Variants in ACVR2A observed in about 807,000 individuals in gnomAD.
ACVR2A encodes the protein activin A receptor type 2A.
ACVR2A carries 7 observed loss-of-function variants against 61.4 expected under a neutral mutation model. That is an observed-to-expected ratio of 0.11 (90% confidence interval 0.06 to 0.21). The LOEUF (loss-of-function observed/expected upper bound fraction) is 0.21. ACVR2A is among the 10% of genes least tolerant of loss of function. The pLI, the probability that ACVR2A is intolerant of heterozygous loss-of-function variation, is 1.00. For missense variants in ACVR2A, 322 were observed against 621.7 expected (o/e 0.52, Z 5.13); for synonymous variants, 193 against 208.3 (o/e 0.93, Z 0.63).
Position 147,899,555 on chromosome 2 carries a change from G to A in ACVR2A, c.361G>A (p.Glu121Lys), listed in dbSNP as rs1686822801. Residue 121 changes from glutamate (E) to lysine (K), a missense_variant, in exon 3 of 11, where the codon GAA becomes AAA. Physicochemically the swap from Glu to Lys is moderately conservative, Grantham distance 56. This residue lies in a region of ACVR2A where 142 missense variants were observed against 200.3 expected (regional missense o/e 0.71). Coordinates refer to ENST00000241416, the MANE Select transcript of ACVR2A (RefSeq NM_001616.5). Reference protein sequence around the residue: ...NEKFSYFPEMEVTQPTSNPVT... With the variant: ...NEKFSYFPEMKVTQPTSNPVT... ...AAAGTTTTCTTATTTTCCGGAGATGGAAGTCACACAGCGTAAGTTCACAGG... is the reference window on the plus strand; with the variant it reads ...AAAGTTTTCTTATTTTCCGGAGATGAAAGTCACACAGCGTAAGTTCACAGG... 1.2e-6 allele frequency: 2 copies of A among 1,612,534 alleles called. No individual in the cohort carries two copies. The highest frequency in any genetic ancestry group is 1.7e-6 in the Non-Finnish European group (2 of 1,179,074).
chr2:147,849,282 AT>A (rs1342164485), intron 1 of ACVR2A, among the ~76,000 whole-genome samples: 1 of 151,974 alleles, frequency 6.6e-6, no homozygotes, highest in Non-Finnish European at 1.5e-5. Context: ...ATTTGCCTTT[AT>A]TTTTACTGAC....
intron 4 of ACVR2A, among the ~76,000 whole-genome samples, chr2:147,914,703 C>CG (rs1558812613): frequency 6.6e-6 from 1 of 151,828 alleles, no homozygotes; most frequent in Non-Finnish European, 1.5e-5. Context: ...GAATGACTGC[C>CG]GGTATCTCTG....
intron 4 of ACVR2A, among the ~76,000 whole-genome samples, chr2:147,904,823 G>A (rs765735562): frequency 6.6e-6 from 1 of 152,006 alleles, no homozygotes; most frequent in African/African-American, 2.4e-5. Context: ...TAATTTAGAA[G>A]AGTATACTGC....
At chr2:147,888,841 G>A (rs932111960) in intron 1 of ACVR2A, among the ~76,000 whole-genome samples, 17 of 151,882 alleles carry the variant, frequency 1.1e-4, no homozygotes, top group Non-Finnish European at 1.9e-4. Context: ...CTGTGTTTCA[G>A]TACTGTGTTA....
At chr2:147,894,299 T>G (rs1281602941) in intron 1 of ACVR2A, among the ~76,000 whole-genome samples, 1 of 152,190 alleles carries the variant, frequency 6.6e-6, no homozygotes, top group Non-Finnish European at 1.5e-5. Flanking sequence ...AATCAGTTAG[T>G]ATGAATTCTC....
chr2:147,867,221 G>T (rs1049332223), intron 1 of ACVR2A, among the ~76,000 whole-genome samples: 1 of 152,130 alleles, frequency 6.6e-6, no homozygotes, highest in African/African-American at 2.4e-5. Context: ...AAATGTAGAT[G>T]AGGAAGTGGT....
intron 4 of ACVR2A, among the ~76,000 whole-genome samples, chr2:147,904,819 A>G (rs980223580): frequency 6.6e-6 from 1 of 152,106 alleles, no homozygotes; most frequent in African/African-American, 2.4e-5. Context: ...AAGTTAATTT[A>G]GAAGAGTATA....
intron 1 of ACVR2A, among the ~76,000 whole-genome samples, chr2:147,862,031 A>G (rs540388964): frequency 5.9e-5 from 9 of 152,302 alleles, no homozygotes; most frequent in Admixed American, 5.9e-4. Context: ...GTCACTAATC[A>G]GTGGAGCTAG....
chr2:147,893,231 C>T (rs990037850), intron 1 of ACVR2A, among the ~76,000 whole-genome samples: 3 of 152,084 alleles, frequency 2.0e-5, no homozygotes, highest in African/African-American at 7.2e-5. Flanking sequence ...TTGTAGGTAT[C>T]ACTAGTTCAT....
At chr2:147,871,978 G>A (rs1324924137) in intron 1 of ACVR2A, among the ~76,000 whole-genome samples, 1 of 152,042 alleles carries the variant, frequency 6.6e-6, no homozygotes, top group Non-Finnish European at 1.5e-5. Flanking sequence ...CCGTATTACA[G>A]ATTTTTATTT....
At position 147,882,437 on chromosome 2, in the gene ACVR2A, G is replaced by A. The variant is rs142239769; in HGVS notation, c.56-13864G>A. On this transcript the variant is annotated intron_variant, in intron 1 of 10. Transcript: ENST00000241416. The stretch of plus-strand genomic sequence containing the variant: ...GTGGTGGCGTGCGCCTGTAATTCCA[G>A]CCACTTGGGAGTTTGAGGCAGGAGA... Among the ~76,000 whole-genome samples, 1,060 of 152,324 alleles carry A rather than the reference G, an allele frequency of 7.0e-3. 10 individuals are homozygous for A. The highest frequency in any genetic ancestry group is 0.024 in the African/African-American group (996 of 41,558).
chr2:147,892,297 G>T (rs1367476204), intron 1 of ACVR2A, among the ~76,000 whole-genome samples: 19 of 151,456 alleles, frequency 1.3e-4, no homozygotes, highest in Admixed American at 1.3e-3. Context: ...TTGAGATGGA[G>T]TTACCAGAAC....
chr2:147,899,083 A>T (rs371463037), intron 2 of ACVR2A, among the ~76,000 whole-genome samples: 1 of 152,144 alleles, frequency 6.6e-6, no homozygotes. Context: ...TGGAAATGCC[A>T]TATTTCCTGT....
intron 1 of ACVR2A, among the ~76,000 whole-genome samples, chr2:147,890,392 T>C (rs1324212778): frequency 6.6e-6 from 1 of 151,138 alleles, no homozygotes; most frequent in Non-Finnish European, 1.5e-5. Flanking sequence ...ATGTACTCTT[T>C]ATATATAGTA....
At chr2:147,859,466 T>A (rs1685670451) in intron 1 of ACVR2A, among the ~76,000 whole-genome samples, 1 of 146,408 alleles carries the variant, frequency 6.8e-6, no homozygotes, top group Admixed American at 6.9e-5. Context: ...GCTTATAAAA[T>A]CAGTGTAGAG....
chr2:147,910,225 G>T (rs948329803), intron 4 of ACVR2A, among the ~76,000 whole-genome samples: 1 of 152,094 alleles, frequency 6.6e-6, no homozygotes, highest in Non-Finnish European at 1.5e-5. Context: ...CTTGGGAAAT[G>T]TATTGGGCAG....
chr2:147,863,199 AGGTT>A lies in ACVR2A; in HGVS notation c.55+17993_55+17996del, dbSNP rs750695839. Among the ~76,000 whole-genome samples, 38 of 152,186 alleles carry A rather than the reference AGGTT, an allele frequency of 2.5e-4. 3 individuals are homozygous for A. Among genetic ancestry groups the A allele is most frequent in the Admixed American group, 1.7e-3 (26 of 15,278 alleles). On this transcript the variant is annotated intron_variant, in intron 1 of 10. Transcript: ENST00000241416. ...GATGTTTTTTGAACCTGTTCTGCCA[AGGTT>A]CTCTATCCTGCTCAAGTTAACAGCA... is the stretch of plus-strand genomic sequence containing the variant.
In ACVR2A at chr2:147,854,043, C is replaced by T. The variant is rs1573911411; in HGVS notation, c.55+8836C>T. 2.0e-5 allele frequency among the ~76,000 whole-genome samples: 3 copies of T among 152,092 alleles called. No homozygotes were observed. The East Asian group carries it at 5.8e-4, about 29-fold the overall frequency. ...TAGTTTTTAATCTATCTTTAAGTCC[C>T]ATTTAAAAGGATATGGTATGTAAAA... On this transcript the variant is annotated intron_variant, in intron 1 of 10. Transcript: ENST00000241416.
At chr2:147,911,313 C>T (rs976229146) in intron 4 of ACVR2A, among the ~76,000 whole-genome samples, 49 of 152,056 alleles carry the variant, frequency 3.2e-4, no homozygotes, top group Admixed American at 2.3e-3. Context: ...TGTTTACCAC[C>T]TATCTCTCAT....
Sources: allele counts gnomAD v4.1 joint callset (sites outside exome capture counted in the v4.1 genomes callset), GRCh38; gene constraint gnomAD v4.1.1; regional missense constraint gnomAD v4.1.1; transcripts MANE v1.5; gene names NCBI Gene and HGNC (gene_info 2026-07-23, HGNC 2026-07-21).